Variants in CSMD1 observed in about 807,000 individuals in gnomAD.
The protein encoded by CSMD1 is CUB and Sushi multiple domains 1, also known as CUB and sushi domain-containing protein 1.
CSMD1 carries 213 observed loss-of-function variants against 417.5 expected under a neutral mutation model. The observed-to-expected ratio is 0.51, with a 90% CI of 0.46 to 0.57. The LOEUF (loss-of-function observed/expected upper bound fraction) is 0.57. CSMD1 is among the 20% of genes least tolerant of loss of function. The pLI, the probability that CSMD1 is intolerant of heterozygous loss-of-function variation, is 0.00. For synonymous variants in CSMD1, 2,862 were observed against 1,736.8 expected (o/e 1.65, Z -16.11); for missense variants, 6,923 against 4,529.7 (o/e 1.53, Z -15.17).
chr8:4,093,818 G>C (rs936726169), intron 3 of CSMD1, among the ~76,000 whole-genome samples: 38 of 152,076 alleles, frequency 2.5e-4, no homozygotes, highest in Non-Finnish European at 2.4e-4. Flanking sequence ...AAAAGTAGCT[G>C]GGTGTGGTGG....
At chr8:4,230,253 T>C (rs893417833) in intron 3 of CSMD1, among the ~76,000 whole-genome samples, 1 of 152,206 alleles carries the variant, frequency 6.6e-6, no homozygotes, top group Non-Finnish European at 1.5e-5. Flanking sequence ...AATAGATTTA[T>C]ATCGTTGAGT....
intron 7 of CSMD1, among the ~76,000 whole-genome samples, chr8:3,696,982 G>T (rs1800587474): frequency 6.6e-6 from 1 of 152,072 alleles, no homozygotes; most frequent in Non-Finnish European, 1.5e-5. Flanking sequence ...TAGATCGTAG[G>T]GGCCCCAGGA....
rs192665115 is a variant in CSMD1, at chr8:4,676,885, G to C, written c.86-39327C>G. Among the ~76,000 whole-genome samples, 359 of 149,840 alleles carry C rather than the reference G, an allele frequency of 2.4e-3. 1 individual carries two copies. Among genetic ancestry groups the C allele is most frequent in the African/African-American group, 8.4e-3 (342 of 40,874 alleles). On this transcript the variant is annotated intron_variant, in intron 1 of 69. Coordinates refer to ENST00000635120, the MANE Select transcript of CSMD1 (RefSeq NM_033225.6). ...GAGAGATATACATATTTTATATATA[G>C]AGAGAGATTTTAGATATACAGGAAT...
At chr8:4,890,046 G>T (rs1804003896) in intron 1 of CSMD1, among the ~76,000 whole-genome samples, 1 of 152,074 alleles carries the variant, frequency 6.6e-6, no homozygotes, top group South Asian at 2.1e-4. Context: ...GAGGTGAAAG[G>T]TAAAGGTGCT....
intron 10 of CSMD1, among the ~76,000 whole-genome samples, chr8:3,565,181 G>C (rs768892114): frequency 2.5e-5 from 1 of 40,166 alleles, no homozygotes; most frequent in Admixed American, 3.0e-4. Context: ...AAGAAAGAAA[G>C]AAAGATACAT....
intron 2 of CSMD1, among the ~76,000 whole-genome samples, chr8:4,551,837 C>T (rs1797884258): frequency 6.6e-6 from 1 of 150,752 alleles, no homozygotes; most frequent in South Asian, 2.1e-4. Context: ...TGCCACTACA[C>T]ATGGCTAATT....
intron 2 of CSMD1, among the ~76,000 whole-genome samples, chr8:4,443,542 A>G (rs900493280): frequency 6.6e-6 from 1 of 152,194 alleles, no homozygotes; most frequent in African/African-American, 2.4e-5. Flanking sequence ...TTCACGAATG[A>G]TATGTCAGCC....
chr8:3,461,815 A>C (rs879665664), intron 12 of CSMD1, among the ~76,000 whole-genome samples: 12 of 152,212 alleles, frequency 7.9e-5, no homozygotes, highest in Middle Eastern at 3.2e-3. Flanking sequence ...AACACGGACA[A>C]GTCTAGCAGC....
chr8:3,053,531 T>A (rs747204376), intron 49 of CSMD1, among the ~76,000 whole-genome samples: 4 of 152,136 alleles, frequency 2.6e-5, no homozygotes, highest in Non-Finnish European at 4.4e-5. Flanking sequence ...GAGGAGGCAC[T>A]CGGGGAAGAT....
intron 3 of CSMD1, among the ~76,000 whole-genome samples, chr8:4,223,339 G>C (rs1038788634): frequency 6.6e-6 from 1 of 152,224 alleles, no homozygotes; most frequent in African/African-American, 2.4e-5. Flanking sequence ...TGTTGTCTCA[G>C]AACAATTTAA....
At chr8:4,795,880 T>C (rs1478812595) in intron 1 of CSMD1, among the ~76,000 whole-genome samples, 2 of 152,186 alleles carry the variant, frequency 1.3e-5, no homozygotes, top group African/African-American at 2.4e-5. Context: ...GAGGTGTTGT[T>C]CTCATGTTAA....
chr8:3,954,419 G>C (rs904737898), intron 5 of CSMD1, among the ~76,000 whole-genome samples: 1 of 152,118 alleles, frequency 6.6e-6, no homozygotes, highest in Non-Finnish European at 1.5e-5. Context: ...CTGGAGTGCA[G>C]TGGCGGTGGT....
At chr8:4,181,930 C>T (rs1222423570) in intron 3 of CSMD1, among the ~76,000 whole-genome samples, 1 of 142,034 alleles carries the variant, frequency 7.0e-6, no homozygotes, top group East Asian at 2.1e-4. Context: ...TAGTACTTTG[C>T]TAGGTGATTC....
intron 3 of CSMD1, among the ~76,000 whole-genome samples, chr8:4,094,721 G>C (rs1318756515): frequency 6.6e-6 from 1 of 152,134 alleles, no homozygotes; most frequent in Non-Finnish European, 1.5e-5. Flanking sequence ...CAGGGCAGTG[G>C]GGAGCCTCCT....
chr8:3,270,733 C>G (rs1434022647), intron 26 of CSMD1, among the ~76,000 whole-genome samples: 1 of 151,946 alleles, frequency 6.6e-6, no homozygotes, highest in East Asian at 1.9e-4. Context: ...GTAAAATAAT[C>G]CAGAGGGGAA....
chr8:3,746,807 C>G (rs1229674116), intron 6 of CSMD1, among the ~76,000 whole-genome samples: 1 of 151,990 alleles, frequency 6.6e-6, no homozygotes, highest in Non-Finnish European at 1.5e-5. Flanking sequence ...CCGAGAGAAA[C>G]AAAATAATCA....
At chr8:4,937,326 C>T (rs1173603423) in intron 1 of CSMD1, among the ~76,000 whole-genome samples, 1 of 152,200 alleles carries the variant, frequency 6.6e-6, no homozygotes, top group African/African-American at 2.4e-5. Flanking sequence ...TTACTTTCCA[C>T]TGTTTGTTTT....
At chr8:4,530,314 C>CTGTTTTTTTTTTTTT (rs1796739393) in intron 2 of CSMD1, among the ~76,000 whole-genome samples, 1 of 46,656 alleles carries the variant, frequency 2.1e-5, no homozygotes. Context: ...ACAGGTAGTG[C>CTGTTTTTTTTTTTTT]TTTTTTTTTT....
chr8:3,427,151 G>C (rs1204624953), intron 12 of CSMD1, among the ~76,000 whole-genome samples: 1 of 152,130 alleles, frequency 6.6e-6, no homozygotes, highest in Non-Finnish European at 1.5e-5. Context: ...GGGGATCATA[G>C]GGACTAAAAA....
Sources: allele counts gnomAD v4.1 joint callset (sites outside exome capture counted in the v4.1 genomes callset), GRCh38; gene constraint gnomAD v4.1.1; transcripts MANE v1.5; gene names NCBI Gene and HGNC (gene_info 2026-07-23, HGNC 2026-07-21).